MYOM1: variants seen among roughly 807,000 people sequenced by gnomAD.
MYOM1 encodes the protein myomesin-1.
MYOM1 carries 164 observed loss-of-function variants against 205.3 expected under a neutral mutation model. The observed-to-expected ratio is 0.80, with a 90% CI of 0.70 to 0.91. The LOEUF (loss-of-function observed/expected upper bound fraction) is 0.91, where lower values mean the gene tolerates loss of function less well. Ranked by LOEUF, MYOM1 falls within the 40% of genes least tolerant of loss-of-function variation. MYOM1 has a pLI of 0.00. For missense variants in MYOM1, 2,011 were observed against 2,127.3 expected (o/e 0.95, Z 1.08); for synonymous variants, 772 against 789.4 (o/e 0.98, Z 0.37).
At position 3,215,021 on chromosome 18, in the gene MYOM1, G is replaced by T. The variant is rs565442597; in HGVS notation, c.203C>A (p.Ser68Tyr). 16 of 1,612,472 alleles carry T rather than the reference G, an allele frequency of 9.9e-6. 1 individual carries two copies. Among genetic ancestry groups the T allele is most frequent in the East Asian group, 8.9e-5 (4 of 44,828 alleles). Residue 68 changes from serine to tyrosine, a missense_variant, in exon 2 of 38, where the codon TCC becomes TAC. Physicochemically the swap from Ser to Tyr is moderately radical, Grantham distance 144. Coordinates refer to ENST00000356443, the MANE Select transcript of MYOM1 (RefSeq NM_003803.4). ...SEAFRRASAS[S>Y]SQQQASQHAL... ...GTGCTGCGAGGCCTGCTGCTGGGAG[G>T]AGGAGGCGGACGCCCGACGGAAGGC...
Position 3,134,663 on chromosome 18 carries a change from C to G in MYOM1, c.2371G>C (p.Val791Leu). 6.2e-7 allele frequency: 1 copy of G among 1,612,698 alleles called. No homozygotes were observed. The highest frequency in any genetic ancestry group is 8.5e-7 in the Non-Finnish European group (1 of 1,178,914). Residue 791 changes from valine (V) to leucine (L), a missense_variant, in exon 16 of 38, where the codon GTG (valine) becomes CTG (leucine). By Grantham distance (32) the Val-to-Leu change is conservative. Coordinates refer to ENST00000356443, the MANE Select transcript of MYOM1 (RefSeq NM_003803.4). ...CGACTGAGTTACCGTGAGCCCTTCA[C>G]GGGGTTGTTGTTACAGGGCTCCCAC... ...GKWEPCNNNP[V>L]KGSRFTCHGL...
the MYOM1 span, among the ~76,000 whole-genome samples, chr18:3,232,519 G>A: frequency 6.6e-6 from 1 of 152,098 alleles, no homozygotes. Flanking sequence ...GGGGTGATGG[G>A]TATGTTACTA....
chr18:3,196,784 T>C (rs1315466177), intron 2 of MYOM1, among the ~76,000 whole-genome samples: 1 of 152,218 alleles, frequency 6.6e-6, no homozygotes, highest in Non-Finnish European at 1.5e-5. Context: ...AGGGAAGAGA[T>C]GTAGCCAAGG....
rs1304560683 is a variant in MYOM1 at position 3,135,518 on chromosome 18, T to A, written c.2209+29A>T. ...AGATCCTTGCTTTGAAATTTTCTCT[T>A]GAAGTAAAAGAAGTTTACAGTTGCT... On this transcript the variant is annotated intron_variant, in intron 15 of 37. Coordinates refer to ENST00000356443, the MANE Select transcript of MYOM1 (RefSeq NM_003803.4). This position sits in a 1 kb window ranked among gnomAD's most constrained non-coding sequence, Gnocchi z 4.1. 1 of 1,597,732 alleles carries A rather than the reference T, an allele frequency of 6.3e-7. No individual in the cohort carries two copies. Among genetic ancestry groups the A allele is most frequent in the Non-Finnish European group, 8.5e-7 (1 of 1,170,260 alleles).
intron 17 of MYOM1, among the ~76,000 whole-genome samples, chr18:3,130,507 A>G (rs1334775377): frequency 6.6e-6 from 1 of 152,114 alleles, no homozygotes; most frequent in East Asian, 1.9e-4. Context: ...GGTGGAGTGC[A>G]GTGGTGAGAT....
rs919706154 is a variant in MYOM1, at chr18:3,152,787, T to G, written c.1644-894A>C. On this transcript the variant is annotated intron_variant, in intron 11 of 37. Coordinates refer to ENST00000356443, the MANE Select transcript of MYOM1 (RefSeq NM_003803.4). This position sits in a 1 kb window ranked among gnomAD's most constrained non-coding sequence, Gnocchi z 4.3. ...AATTCCCAAATGATTCTCAGGGGCG[T>G]GGGGGTTGCCAGTGGCAGGACAGAG... 6.6e-6 allele frequency among the ~76,000 whole-genome samples: 1 copy of G among 152,000 alleles called. No homozygotes were observed. The highest frequency in any genetic ancestry group is 2.4e-5 in the African/African-American group (1 of 41,362).
In MYOM1 at chr18:3,135,716, T is replaced by G; in HGVS notation, c.2040A>C (p.Thr680=). 1 of 1,613,896 alleles carries G rather than the reference T, an allele frequency of 6.2e-7. No individual in the cohort carries two copies. The highest frequency in any genetic ancestry group is 8.5e-7 in the Non-Finnish European group (1 of 1,179,854). ...MYFVEKCEAG[T]ENWQRVNTEL... ...CCGTGTTCACTCGCTGCCAGTTTTC[T>G]GTTCCTGCCTCACACTGCAGCAAGA... The change falls in exon 15 of 38, where the codon ACA becomes ACC. Residue 680 remains threonine (T), a synonymous_variant. Transcript: ENST00000356443. This position sits in a 1 kb window ranked among gnomAD's most constrained non-coding sequence, Gnocchi z 4.1.
At chr18:3,172,549 G>C (rs1401483828) in intron 8 of MYOM1, among the ~76,000 whole-genome samples, 2 of 151,564 alleles carry the variant, frequency 1.3e-5, no homozygotes, top group Non-Finnish European at 2.9e-5. Flanking sequence ...TCACTCTGTT[G>C]CCCAGGCTGG....
At chr18:3,169,952 T>A (rs1172424728) in intron 8 of MYOM1, among the ~76,000 whole-genome samples, 1 of 152,110 alleles carries the variant, frequency 6.6e-6, no homozygotes, top group Non-Finnish European at 1.5e-5. Flanking sequence ...CTCAATGGAA[T>A]GTTATTCAGC....
At chr18:3,103,771 A>G (rs1200865905) in intron 22 of MYOM1, among the ~76,000 whole-genome samples, 1 of 152,206 alleles carries the variant, frequency 6.6e-6, no homozygotes, top group Non-Finnish European at 1.5e-5. Context: ...CGTTTTCCCA[A>G]GGGAAGGCCA....
chr18:3,153,491 G>A (rs994733677), intron 11 of MYOM1, among the ~76,000 whole-genome samples: 2 of 152,128 alleles, frequency 1.3e-5, no homozygotes, highest in Non-Finnish European at 2.9e-5. Context: ...TATGACTAAG[G>A]CCAGAGGAGA....
At chr18:3,213,186 C>A (rs760476156) in intron 2 of MYOM1, among the ~76,000 whole-genome samples, 44 of 152,162 alleles carry the variant, frequency 2.9e-4, no homozygotes, top group Non-Finnish European at 4.6e-4. Flanking sequence ...CTAGTTAAAC[C>A]GACCACTCTA....
chr18:3,119,184 C>T (rs936232344), intron 20 of MYOM1, among the ~76,000 whole-genome samples: 3 of 152,168 alleles, frequency 2.0e-5, no homozygotes, highest in African/African-American at 7.2e-5. Flanking sequence ...CTATGATGAC[C>T]TCTGAAGAAC....
chr18:3,130,618 A>G (rs959279260), intron 17 of MYOM1, among the ~76,000 whole-genome samples: 3 of 151,624 alleles, frequency 2.0e-5, no homozygotes, highest in Non-Finnish European at 2.9e-5. Flanking sequence ...TGCCTGGCTA[A>G]TTTTTTTTAT....
Position 3,115,904 on chromosome 18 carries a change from C to T in MYOM1, c.3303+427G>A, listed in dbSNP as rs924430372. Among the ~76,000 whole-genome samples, 12 of 152,002 alleles carry T rather than the reference C, an allele frequency of 7.9e-5. No homozygotes were observed. The East Asian group carries it at 1.7e-3, about 22-fold the overall frequency. The stretch of plus-strand genomic sequence containing the variant: ...GAGGTAACGTGAGACAGGAGTGACT[C>T]GAGAGGATCAGTAGTCACAGGCTTC... On this transcript the variant is annotated intron_variant, in intron 21 of 37. Coordinates refer to ENST00000356443, the MANE Select transcript of MYOM1 (RefSeq NM_003803.4).
chr18:3,157,219 G>C (rs930498198), intron 10 of MYOM1, among the ~76,000 whole-genome samples: 6 of 152,222 alleles, frequency 3.9e-5, no homozygotes, highest in African/African-American at 1.4e-4. Flanking sequence ...GAGCCTGGCA[G>C]ACAGCGGGCA....
the MYOM1 span, among the ~76,000 whole-genome samples, chr18:3,235,509 A>G: frequency 6.6e-6 from 1 of 152,240 alleles, no homozygotes; most frequent in African/African-American, 2.4e-5. Flanking sequence ...CACTGAGGAC[A>G]CAGTCCCTGC....
chr18:3,205,463 A>G (rs2081114349), intron 2 of MYOM1, among the ~76,000 whole-genome samples: 1 of 152,218 alleles, frequency 6.6e-6, no homozygotes, highest in Admixed American at 6.5e-5. Flanking sequence ...AATGCAAAAA[A>G]GATGGTTAAC....
intron 25 of MYOM1, 70 bp from the exon 26 acceptor site, chr18:3,094,376 A>T: frequency 2.6e-6 from 3 of 1,153,146 alleles, no homozygotes; most frequent in Non-Finnish European, 3.4e-6. Flanking sequence ...TTTTCCATCA[A>T]GTGAAAAAAA....
Sources: gnomAD v4.1 joint callset for allele counts (sites outside exome capture counted in the v4.1 genomes callset) on GRCh38, gnomAD v4.1.1 for gene constraint, Gnocchi (gnomAD v3.1) non-coding constraint, MANE v1.5 for transcripts, NCBI Gene and HGNC (gene_info 2026-07-23, HGNC 2026-07-21) for gene names.